TCERG1L: variants seen among roughly 807,000 people sequenced by gnomAD.
TCERG1L encodes the protein transcription elongation regulator 1-like protein.
In TCERG1L, 37 loss-of-function variants were observed where a neutral mutation model predicts 56.3. That is an observed-to-expected ratio of 0.66 (90% CI 0.51 to 0.87). The LOEUF is 0.87. TCERG1L is among the 40% of genes least tolerant of loss of function. The pLI, the probability that TCERG1L is intolerant of heterozygous loss-of-function variation, is 0.00. For missense variants in TCERG1L, 799 were observed against 774.2 expected, an observed-to-expected ratio of 1.03 and a Z score of -0.38; for synonymous variants, 324 against 326.3, an observed-to-expected ratio of 0.99 and a Z score of 0.08.
chr10:131,178,067 G>T (rs1022347856), intron 4 of TCERG1L, among the ~76,000 whole-genome samples: 3 of 152,104 alleles, frequency 2.0e-5, no homozygotes, highest in Non-Finnish European at 4.4e-5. Context: ...GGCTTTCTCA[G>T]GAGTGGGGGG....
chr10:131,261,493 T>C (rs999776341), intron 3 of TCERG1L, among the ~76,000 whole-genome samples: 8 of 152,226 alleles, frequency 5.3e-5, no homozygotes, highest in African/African-American at 1.9e-4. Flanking sequence ...TGGTGCGCTG[T>C]GCACAGGACG....
At chr10:131,182,119 T>C (rs1233669829) in intron 4 of TCERG1L, among the ~76,000 whole-genome samples, 4 of 152,172 alleles carry the variant, frequency 2.6e-5, no homozygotes, top group African/African-American at 7.2e-5. Context: ...TGGGTGTGTG[T>C]GCACACAGGA....
chr10:131,243,559 G>T (rs763118717), intron 4 of TCERG1L, among the ~76,000 whole-genome samples: 1 of 152,202 alleles, frequency 6.6e-6, no homozygotes, highest in Non-Finnish European at 1.5e-5. Flanking sequence ...GCAACAGAGT[G>T]AGACTCTGTC....
chr10:131,281,784 T>C (rs901845858), intron 3 of TCERG1L, among the ~76,000 whole-genome samples: 3 of 150,004 alleles, frequency 2.0e-5, no homozygotes, highest in African/African-American at 7.4e-5. Context: ...CCAAAAAGCC[T>C]GATCCGCCCC....
intron 4 of TCERG1L, among the ~76,000 whole-genome samples, chr10:131,253,430 T>C (rs1167125733): frequency 6.6e-6 from 1 of 152,132 alleles, no homozygotes; most frequent in Non-Finnish European, 1.5e-5. Flanking sequence ...CCACAGGCCT[T>C]TCAGCTTGAA....
chr10:131,293,262 T>C (rs555959201), intron 3 of TCERG1L, among the ~76,000 whole-genome samples: 4 of 152,208 alleles, frequency 2.6e-5, no homozygotes, highest in African/African-American at 4.8e-5. Context: ...AAAGCTAACT[T>C]CTGCATTGCT....
intron 8 of TCERG1L, among the ~76,000 whole-genome samples, chr10:131,132,483 T>C (rs1254542141): frequency 1.3e-5 from 2 of 152,152 alleles, no homozygotes; most frequent in Admixed American, 6.5e-5. Context: ...GGGATGGGAG[T>C]GCAGCCGGGT....
At chr10:131,133,221 C>T (rs896759821) in intron 8 of TCERG1L, among the ~76,000 whole-genome samples, 9 of 152,188 alleles carry the variant, frequency 5.9e-5, no homozygotes, top group African/African-American at 1.9e-4. Context: ...CCTTACCATC[C>T]TTCTGTCCTT....
chr10:131,215,516 C>T (rs1249381405), intron 4 of TCERG1L, among the ~76,000 whole-genome samples: 1 of 152,188 alleles, frequency 6.6e-6, no homozygotes, highest in Non-Finnish European at 1.5e-5. Context: ...GAATCCAACC[C>T]GAGGAAACTC....
At chr10:131,096,762 C>T (rs1018165891) in intron 11 of TCERG1L, among the ~76,000 whole-genome samples, 3 of 151,784 alleles carry the variant, frequency 2.0e-5, no homozygotes, top group African/African-American at 7.3e-5. Flanking sequence ...CAAAAATTAG[C>T]CGGGTGTGGT....
At chr10:131,136,855 G>A (rs1223576606) in intron 7 of TCERG1L, among the ~76,000 whole-genome samples, 5 of 151,498 alleles carry the variant, frequency 3.3e-5, no homozygotes, top group African/African-American at 1.2e-4. Context: ...CAAACTGAGG[G>A]CACTGGGCAG....
intron 11 of TCERG1L, among the ~76,000 whole-genome samples, chr10:131,093,763 C>T (rs1168300141): frequency 3.3e-5 from 5 of 152,178 alleles, no homozygotes. Flanking sequence ...AGCTGCTCGT[C>T]ATGAGAAACC....
At chr10:131,285,515 AGAAAGAAAGAGAG>A (rs1205484957) in intron 3 of TCERG1L, among the ~76,000 whole-genome samples, 9 of 13,726 alleles carry the variant, frequency 6.6e-4, no homozygotes, top group South Asian at 5.1e-3. Flanking sequence ...AAAGAAAGAA[AGAAAGAAAGAGAG>A]AAAGAAAAGA....
At chr10:131,185,064 C>T (rs1013006866) in intron 4 of TCERG1L, among the ~76,000 whole-genome samples, 1 of 152,048 alleles carries the variant, frequency 6.6e-6, no homozygotes, top group Non-Finnish European at 1.5e-5. Flanking sequence ...CCACCACACT[C>T]CAGCCTGGGT....
chr10:131,277,822 AG>A (rs1029369897), intron 3 of TCERG1L, among the ~76,000 whole-genome samples: 4 of 152,182 alleles, frequency 2.6e-5, no homozygotes, highest in African/African-American at 4.8e-5. Context: ...GTGACTGCCC[AG>A]GCCCCAGGCA....
At chr10:131,105,782 G>T (rs1175850102) in intron 9 of TCERG1L, among the ~76,000 whole-genome samples, 1 of 151,924 alleles carries the variant, frequency 6.6e-6, no homozygotes, top group Non-Finnish European at 1.5e-5. Flanking sequence ...ATATTGCTAC[G>T]GACTCATGGA....
intron 9 of TCERG1L, among the ~76,000 whole-genome samples, chr10:131,109,620 T>C (rs1342496479): frequency 2.6e-4 from 40 of 152,146 alleles, no homozygotes; most frequent in Non-Finnish European, 4.4e-5. Context: ...CACTGCACAT[T>C]CTCATCTGAT....
intron 3 of TCERG1L, among the ~76,000 whole-genome samples, chr10:131,302,113 C>T (rs566232001): frequency 4.6e-5 from 7 of 152,078 alleles, no homozygotes; most frequent in African/African-American, 1.4e-4. Context: ...GACTTTCTTG[C>T]GAGGCATAAA....
At chr10:131,279,953 T>C (rs139356786) in intron 3 of TCERG1L, among the ~76,000 whole-genome samples, 2,326 of 152,134 alleles carry the variant, frequency 0.015, 29 homozygotes, top group Non-Finnish European at 0.025. Context: ...CCATGTGGAA[T>C]GCGACCCAGC....
Sources: gnomAD v4.1 joint callset for allele counts (sites outside exome capture counted in the v4.1 genomes callset) on GRCh38, gnomAD v4.1.1 for gene constraint, MANE v1.5 for transcripts, NCBI Gene and HGNC (gene_info 2026-07-23, HGNC 2026-07-21) for gene names.